TMA16: variants seen among roughly 807,000 people sequenced by gnomAD.
TMA16 encodes translation machinery associated 16 homolog.
In TMA16, 26 loss-of-function variants were observed where a neutral mutation model predicts 27.1. That is an observed-to-expected ratio of 0.96 (90% CI 0.70 to 1.33). The LOEUF is 1.33. Ranked by LOEUF, TMA16 falls within the 40% of genes most tolerant of loss-of-function variation. The probability of loss-of-function intolerance (pLI) is 0.00; values close to 1 mark genes in which losing one functional copy is unlikely to be tolerated. For missense variants in TMA16, 233 were observed against 241.4 expected (o/e 0.97, Z 0.23); for synonymous variants, 71 against 81.9 (o/e 0.87, Z 0.72).
chr4:163,514,677 A>G (rs1329555884), intron 4 of TMA16, among the ~76,000 whole-genome samples: 2 of 152,162 alleles, frequency 1.3e-5, no homozygotes, highest in African/African-American at 2.4e-5. Flanking sequence ...AGCAACTGAA[A>G]TGATCATACT....
intron 5 of TMA16, chr4:163,517,062 C>T (rs1462272140): frequency 5.7e-6 from 1 of 176,182 alleles, no homozygotes; most frequent in African/African-American, 2.4e-5. Flanking sequence ...CGTCACCACG[C>T]CCGGCTAATT....
chr4:163,499,782 T>C (rs1037936243), intron 1 of TMA16, among the ~76,000 whole-genome samples: 1 of 152,172 alleles, frequency 6.6e-6, no homozygotes, highest in Non-Finnish European at 1.5e-5. Context: ...TTTTCTGTCC[T>C]CTGTTGGTAG....
chr4:163,497,892 G>T (rs1199458069), intron 1 of TMA16, among the ~76,000 whole-genome samples: 1 of 152,172 alleles, frequency 6.6e-6, no homozygotes, highest in African/African-American at 2.4e-5. Flanking sequence ...CTTGCCTAAT[G>T]CCCTGGTTCA....
chr4:163,518,090 T>C (rs950315110), intron 6 of TMA16, among the ~76,000 whole-genome samples: 1 of 152,154 alleles, frequency 6.6e-6, no homozygotes, highest in Non-Finnish European at 1.5e-5. Context: ...ACCCAGGTAG[T>C]GAGCATAGCA....
intron 1 of TMA16, among the ~76,000 whole-genome samples, chr4:163,496,757 C>G (rs1173978050): frequency 6.6e-6 from 1 of 151,982 alleles, no homozygotes; most frequent in Non-Finnish European, 1.5e-5. Flanking sequence ...GCCACCACAC[C>G]CAGCTAATTT....
intron 3 of TMA16, among the ~76,000 whole-genome samples, chr4:163,513,329 GCT>G (rs1165717379): frequency 6.6e-6 from 1 of 152,054 alleles, no homozygotes; most frequent in Non-Finnish European, 1.5e-5. Flanking sequence ...TGACTGTTAG[GCT>G]CTTTTATTAA....
Position 163,507,098 on chromosome 4 carries a change from A to G in TMA16, c.69A>G (p.Lys23=). The change falls in exon 2 of 7, where the codon AAA becomes AAG. Residue 23 remains lysine, a synonymous_variant. Coordinates refer to ENST00000358572, the MANE Select transcript of TMA16 (RefSeq NM_018352.3). ...EKKVIHPYSR[K]AAQITREAHK... is the part of the protein sequence containing the mutation. ...AAGTCATCCATCCATATAGTAGAAA[A>G]GCAGCTCAAATTACGAGAGAGGCCC... is the stretch of plus-strand genomic sequence containing the variant. 1.3e-6 allele frequency: 2 copies of G among 1,593,946 alleles called. No individual in the cohort carries two copies. The highest frequency in any genetic ancestry group is 1.7e-6 in the Non-Finnish European group (2 of 1,169,060).
intron 4 of TMA16, 139 bp downstream of exon 4, chr4:163,514,297 T>C (rs1400813130): frequency 2.9e-6 from 2 of 685,082 alleles, no homozygotes; most frequent in East Asian, 6.0e-5. Flanking sequence ...CCTGGCTTAG[T>C]CACTATAGGA....
rs1403199031 is a variant in TMA16, at chr4:163,520,060, ATGGT to A, written c.*547_*550del. 3.4e-6 allele frequency: 2 copies of A among 581,796 alleles called. No individual in the cohort carries two copies. The highest frequency in any genetic ancestry group is 3.0e-5 in the Admixed American group (1 of 33,026). 36.0% of individuals were successfully genotyped at this position (581,796 alleles called of 1,614,324 possible). A position where few individuals can be genotyped will look rare whatever the true frequency, so the allele number is the denominator to read the frequency against. ...TATTTATCTTTTGAACCAGAGCTAA[ATGGT>A]AAAAGAAAAAAAATCAGTGATGATT... On this transcript the variant is annotated 3_prime_UTR_variant, in exon 7 of 7. Transcript: ENST00000358572.
At chr4:163,512,734 A>T in intron 2 of TMA16, 88 bp from the exon 3 acceptor site, 2 of 895,346 alleles carry the variant, frequency 2.2e-6, no homozygotes, top group South Asian at 1.8e-5. Context: ...AGAGTTCTTT[A>T]GGCAGTTTTT....
chr4:163,511,860 A>G (rs922040209), intron 2 of TMA16, among the ~76,000 whole-genome samples: 3 of 152,022 alleles, frequency 2.0e-5, no homozygotes, highest in African/African-American at 2.4e-5. Context: ...AAAAGATTTC[A>G]TTTTATTTCT....
rs1737837402 is a variant in TMA16 at position 163,514,058 on chromosome 4, T to C, written c.155-16T>C. On this transcript the variant is annotated splice_polypyrimidine_tract_variant and intron_variant, in intron 3 of 6. Transcript: ENST00000358572. ...TGACTTGTGGGGTAAACTGTCTTGG[T>C]ACTTGTTGTTTATAGGTGAAAAACT... The C allele has an allele frequency of 6.3e-7, 1 of 1,584,416 alleles. No homozygotes were observed.
chr4:163,515,536 A>C, intron 5 of TMA16, 75 bp downstream of exon 5: 8 of 1,398,910 alleles, frequency 5.7e-6, no homozygotes, highest in African/African-American at 1.4e-5. Context: ...CAAAGGTTTT[A>C]TTTTAGATCT....
intron 1 of TMA16, among the ~76,000 whole-genome samples, chr4:163,497,350 T>C (rs1432907594): frequency 6.6e-6 from 1 of 152,242 alleles, no homozygotes; most frequent in Non-Finnish European, 1.5e-5. Flanking sequence ...TTGTACATGG[T>C]TTAAAACACT....
At chr4:163,517,408 T>A in intron 5 of TMA16, 26 bp from the exon 6 acceptor site, 1 of 1,593,956 alleles carries the variant, frequency 6.3e-7, no homozygotes, top group Non-Finnish European at 8.6e-7. Context: ...CATTGCCTCA[T>A]GGAGATAAAT....
chr4:163,498,285 GA>G (rs1324031839), intron 1 of TMA16, among the ~76,000 whole-genome samples: 5 of 128,616 alleles, frequency 3.9e-5, no homozygotes, highest in Non-Finnish European at 8.3e-5. Flanking sequence ...TTGGTTAAAA[GA>G]TTTTTTTTTT....
At chr4:163,518,371 G>A (rs1459101005) in intron 6 of TMA16, among the ~76,000 whole-genome samples, 2 of 152,094 alleles carry the variant, frequency 1.3e-5, no homozygotes, top group African/African-American at 2.4e-5. Context: ...CAGTAAAAAC[G>A]AAGATTGACA....
chr4:163,505,426 A>C (rs752291295), intron 1 of TMA16, among the ~76,000 whole-genome samples: 5 of 152,178 alleles, frequency 3.3e-5, no homozygotes, highest in Non-Finnish European at 7.3e-5. Flanking sequence ...GCGCTCAATG[A>C]GTGTTGAAAG....
chr4:163,509,211 A>T (rs1002366378), intron 2 of TMA16, among the ~76,000 whole-genome samples: 4 of 152,152 alleles, frequency 2.6e-5, no homozygotes, highest in African/African-American at 9.7e-5. Context: ...TTTAAATGGG[A>T]ATGTGGTCAC....
Sources: allele counts gnomAD v4.1 joint callset (sites outside exome capture counted in the v4.1 genomes callset), GRCh38; gene constraint gnomAD v4.1.1; transcripts MANE v1.5; gene names NCBI Gene and HGNC (gene_info 2026-07-23, HGNC 2026-07-21).